The following ZPBP variants were observed in gnomAD, a reference collection of about 807,000 sequenced individuals.
ZPBP encodes zona pellucida-binding protein 1.
In ZPBP, 26 loss-of-function variants were observed where a neutral mutation model predicts 44.8. The observed-to-expected ratio is 0.58, with a 90% CI of 0.43 to 0.81. The LOEUF is 0.81. Ranked by LOEUF, ZPBP falls within the 30% of genes least tolerant of loss-of-function variation. ZPBP has a pLI of 0.00. For missense variants in ZPBP, 409 were observed against 434.0 expected, an observed-to-expected ratio of 0.94 and a Z score of 0.51; for synonymous variants, 174 against 153.2, an observed-to-expected ratio of 1.14 and a Z score of -1.00.
chr7:49,948,317 G>T (rs1795190513), intron 7 of ZPBP, among the ~76,000 whole-genome samples: 1 of 152,126 alleles, frequency 6.6e-6, no homozygotes, highest in Non-Finnish European at 1.5e-5. Flanking sequence ...ATCTTACTCT[G>T]CCTTCTCCCT....
At chr7:49,887,590 G>A (rs543683126) in intron 2 of ZPBP, among the ~76,000 whole-genome samples, 18 of 152,264 alleles carry the variant, frequency 1.2e-4, no homozygotes, top group Middle Eastern at 3.4e-3. Context: ...ATAATCAGAT[G>A]TCAATGGCAG....
chr7:50,010,395 TG>T (rs1463178138), intron 6 of ZPBP, among the ~76,000 whole-genome samples: 1 of 152,116 alleles, frequency 6.6e-6, no homozygotes, highest in Non-Finnish European at 1.5e-5. Flanking sequence ...CAAATGATTT[TG>T]GAACAATTGG....
chr7:49,870,580 C>A (rs1444083237), intron 2 of ZPBP, among the ~76,000 whole-genome samples: 1 of 152,030 alleles, frequency 6.6e-6, no homozygotes, highest in Non-Finnish European at 1.5e-5. Flanking sequence ...GAATACAGGG[C>A]ATGTCTTACG....
intron 7 of ZPBP, among the ~76,000 whole-genome samples, chr7:49,961,286 A>G (rs577234220): frequency 6.6e-6 from 1 of 152,338 alleles, no homozygotes; most frequent in South Asian, 2.1e-4. Flanking sequence ...TTCAGCAATA[A>G]ACAGGGACAA....
At chr7:50,091,101 T>C (rs1231298964) in intron 1 of ZPBP, among the ~76,000 whole-genome samples, 2 of 152,116 alleles carry the variant, frequency 1.3e-5, no homozygotes, top group African/African-American at 4.8e-5. Context: ...TGTTGGCCAT[T>C]TGTATATCTT....
chr7:50,070,158 C>A (rs1377755592), intron 3 of ZPBP, among the ~76,000 whole-genome samples: 1 of 152,162 alleles, frequency 6.6e-6, no homozygotes, highest in Non-Finnish European at 1.5e-5. Context: ...TAGGTTCACA[C>A]ACACCCACCC....
chr7:49,990,621 G>GT (rs1463831653), intron 6 of ZPBP, among the ~76,000 whole-genome samples: 2 of 143,846 alleles, frequency 1.4e-5, no homozygotes, highest in East Asian at 1.9e-4. Context: ...AGTATATATG[G>GT]GGGGGGACTA....
intron 7 of ZPBP, among the ~76,000 whole-genome samples, chr7:49,975,665 G>A (rs142552178): frequency 2.6e-5 from 4 of 152,304 alleles, no homozygotes; most frequent in African/African-American, 9.6e-5. Flanking sequence ...TTCCAAGTGG[G>A]TGAGGTGTGC....
chr7:49,944,394 C>T (rs149123890), intron 7 of ZPBP: 3,609 of 194,684 alleles, frequency 0.019, 295 homozygotes, highest in Admixed American at 0.15. Flanking sequence ...GTGCTGGCAT[C>T]GAAGAGGTTG....
intron 4 of ZPBP, among the ~76,000 whole-genome samples, chr7:50,048,146 AAAC>A (rs1800479774): frequency 6.6e-6 from 1 of 152,176 alleles, no homozygotes; most frequent in Non-Finnish European, 1.5e-5. Context: ...ACAGACTTTA[AAAC>A]AACAACGAAA....
intron 7 of ZPBP, among the ~76,000 whole-genome samples, chr7:49,982,151 TA>T (rs1337360342): frequency 1.3e-5 from 1 of 79,368 alleles, no homozygotes; most frequent in Non-Finnish European, 2.2e-5. Context: ...ATAAAATATA[TA>T]ATATATAATA....
chr7:49,844,363 C>G, the ZPBP span, among the ~76,000 whole-genome samples: 1 of 152,184 alleles, frequency 6.6e-6, no homozygotes, highest in African/African-American at 2.4e-5. Flanking sequence ...TTTCACAGTT[C>G]TAGGTAAGCC....
At position 49,981,320 on chromosome 7, in the gene ZPBP, A is replaced by C. The variant is rs1463494168; in HGVS notation, c.961+2022T>G. Among the ~76,000 whole-genome samples the C allele has an allele frequency of 1.8e-4, 8 of 44,526 alleles. No individual in the cohort carries two copies. In the East Asian group the frequency reaches 3.6e-3, roughly 20 times the overall value. The allele number at this position is 44,526 out of a possible 152,430, so 29.2% of individuals were successfully genotyped here. A position where few individuals can be genotyped will look rare whatever the true frequency, so the allele number is the denominator to read the frequency against. Reference sequence around the variant, plus strand: ...TATTATATATAATTATATATTATATAATATATATTATAATTATATATATTA... The same window carrying C: ...TATTATATATAATTATATATTATATCATATATATTATAATTATATATATTA... On this transcript the variant is annotated intron_variant, in intron 7 of 7. Coordinates refer to ENST00000046087, the MANE Select transcript of ZPBP (RefSeq NM_007009.3).
At chr7:49,874,023 G>A (rs1791291467) in intron 2 of ZPBP, among the ~76,000 whole-genome samples, 2 of 151,008 alleles carry the variant, frequency 1.3e-5, no homozygotes, top group Admixed American at 1.3e-4. Context: ...TGTGTGTTTA[G>A]CATATGCACA....
At chr7:49,950,445 G>A (rs1007391831) in intron 7 of ZPBP, among the ~76,000 whole-genome samples, 14 of 151,636 alleles carry the variant, frequency 9.2e-5, no homozygotes, top group South Asian at 4.1e-4. Context: ...TGGACAAACC[G>A]TTTTAAAATT....
chr7:50,052,508 C>T (rs1188033562), intron 4 of ZPBP, among the ~76,000 whole-genome samples: 2 of 152,104 alleles, frequency 1.3e-5, no homozygotes, highest in Admixed American at 6.6e-5. Context: ...GGTGGGAATA[C>T]AAAATGGTAC....
At position 49,868,784 on chromosome 7, in the gene ZPBP, A is replaced by G. The variant is rs141622626; in HGVS notation, n.510-18270T>C. Among the ~76,000 whole-genome samples, 97 of 152,034 alleles carry G rather than the reference A, an allele frequency of 6.4e-4. 1 individual carries two copies. The East Asian group carries it at 0.018, about 29-fold the overall frequency. On this transcript the variant is annotated intron_variant and non_coding_transcript_variant, in intron 2 of 2. Coordinates refer to the ZPBP transcript ENST00000465922. ...AGGCGTGTGCCACCATGCCTGGCTA[A>G]TTTTTTTGTATTTTTGTAGAGACAA...
At chr7:49,877,038 T>C (rs150633348) in intron 2 of ZPBP, among the ~76,000 whole-genome samples, 3 of 152,214 alleles carry the variant, frequency 2.0e-5, no homozygotes, top group African/African-American at 7.2e-5. Context: ...TGACCGTCAG[T>C]CTCCTCCAGA....
chr7:50,040,738 C>T (rs918020620), intron 4 of ZPBP, among the ~76,000 whole-genome samples: 7 of 152,202 alleles, frequency 4.6e-5, no homozygotes, highest in African/African-American at 1.7e-4. Context: ...GCCATTTGGG[C>T]AGACACCGAG....
Sources: gnomAD v4.1 joint callset for allele counts (sites outside exome capture counted in the v4.1 genomes callset) on GRCh38, gnomAD v4.1.1 for gene constraint, MANE v1.5 for transcripts, NCBI Gene and HGNC (gene_info 2026-07-23, HGNC 2026-07-21) for gene names.